The following CADM2 variants were observed in gnomAD, a reference collection of about 807,000 sequenced individuals.
The protein encoded by CADM2 is immunoglobulin superfamily member 4D.
CADM2 carries 12 observed loss-of-function variants against 49.8 expected under a neutral mutation model. That is an observed-to-expected ratio of 0.24 (90% CI 0.15 to 0.39). CADM2 has a LOEUF of 0.39. Among genes scored for constraint, CADM2 ranks in the 10% least tolerant of loss-of-function variants. The pLI, the probability that CADM2 is intolerant of heterozygous loss-of-function variation, is 1.00. For synonymous variants in CADM2, 214 were observed against 175.4 expected (o/e 1.22, Z -1.74); for missense variants, 378 against 492.3 (o/e 0.77, Z 2.20).
At chr3:85,056,224 A>C (rs2036074178) in intron 1 of CADM2, among the ~76,000 whole-genome samples, 1 of 152,100 alleles carries the variant, frequency 6.6e-6, no homozygotes, top group South Asian at 2.1e-4. Flanking sequence ...TCTGTTAAAG[A>C]AATGCAGTAC....
intron 1 of CADM2, among the ~76,000 whole-genome samples, chr3:85,450,808 G>A (rs1240386840): frequency 3.3e-5 from 5 of 151,780 alleles, no homozygotes; most frequent in Non-Finnish European, 7.4e-5. Flanking sequence ...ATTGAAATTT[G>A]TCTAACCAGA....
chr3:85,752,590 T>C (rs959015740), intron 2 of CADM2, among the ~76,000 whole-genome samples: 2 of 152,026 alleles, frequency 1.3e-5, no homozygotes, highest in African/African-American at 4.8e-5. Context: ...AACTTTTGCA[T>C]TGTTACCCAG....
chr3:85,894,931 G>A (rs1044037087), intron 5 of CADM2, among the ~76,000 whole-genome samples: 1 of 152,244 alleles, frequency 6.6e-6, no homozygotes, highest in Non-Finnish European at 1.5e-5. Context: ...CAAAGCAGAA[G>A]TTTGCTGCAG....
intron 8 of CADM2, among the ~76,000 whole-genome samples, chr3:86,046,500 C>T (rs1229081048): frequency 6.6e-6 from 1 of 151,892 alleles, no homozygotes; most frequent in Non-Finnish European, 1.5e-5. Flanking sequence ...TGTTTGGGGA[C>T]AATTTTTATT....
chr3:85,776,336 T>TACACACAC (rs141105558), intron 2 of CADM2, among the ~76,000 whole-genome samples: 3,087 of 146,232 alleles, frequency 0.021, 43 homozygotes, highest in Middle Eastern at 0.057. Flanking sequence ...CAAACTCTCT[T>TACACACAC]ACACACACAC....
intron 8 of CADM2, among the ~76,000 whole-genome samples, chr3:86,050,244 A>T (rs1000682641): frequency 2.0e-5 from 3 of 152,194 alleles, no homozygotes; most frequent in Admixed American, 1.3e-4. Context: ...TAAAGCTTCA[A>T]AATAATCTCC....
intron 1 of CADM2, among the ~76,000 whole-genome samples, chr3:85,414,021 C>A (rs530863698): frequency 1.0e-3 from 157 of 152,218 alleles, no homozygotes; most frequent in Non-Finnish European, 1.8e-3. Context: ...TGTGCCACCA[C>A]GCTCAGCTAA....
chr3:85,191,793 A>G (rs1309510580), intron 1 of CADM2, among the ~76,000 whole-genome samples: 4 of 152,144 alleles, frequency 2.6e-5, no homozygotes, highest in Admixed American at 6.6e-5. Context: ...TTGTTCAAAT[A>G]CCAGTCATCA....
intron 8 of CADM2, among the ~76,000 whole-genome samples, chr3:85,975,338 A>C (rs1323986894): frequency 6.6e-6 from 1 of 151,404 alleles, no homozygotes; most frequent in African/African-American, 2.4e-5. Flanking sequence ...ATTGTGATTA[A>C]AACTTTTAAC....
At chr3:85,542,831 C>T (rs7620313) in intron 1 of CADM2, among the ~76,000 whole-genome samples, 77,973 of 152,010 alleles carry the variant, frequency 0.51, 23,084 homozygotes, top group East Asian at 0.85. Flanking sequence ...TTAACCCTAA[C>T]GTCAAGAGTG....
intron 1 of CADM2, among the ~76,000 whole-genome samples, chr3:85,597,477 T>G (rs1035010992): frequency 1.1e-4 from 16 of 152,124 alleles, no homozygotes; most frequent in African/African-American, 3.9e-4. Context: ...GTTTGTTTCA[T>G]CTATGTGCCA....
rs537643882 is a variant in CADM2, at chr3:86,041,894, C to T, written c.971-23711C>T. Among the ~76,000 whole-genome samples, 65 of 152,296 alleles carry T rather than the reference C, an allele frequency of 4.3e-4. 1 individual carries two copies. The highest frequency in any genetic ancestry group is 6.9e-4 in the Non-Finnish European group (47 of 68,020). ...ACAAACTGTCTGTCAGATCACAGTG[C>T]AATCAAACTAGAACTCAGGATTAAG... On this transcript the variant is annotated intron_variant, in intron 8 of 9. Coordinates refer to ENST00000383699, the MANE Select transcript of CADM2 (RefSeq NM_001167675.2).
At chr3:86,035,770 C>T (rs536499688) in intron 8 of CADM2, among the ~76,000 whole-genome samples, 3 of 152,164 alleles carry the variant, frequency 2.0e-5, no homozygotes, top group African/African-American at 7.2e-5. Flanking sequence ...CCTAACTTAC[C>T]ATTCTTTGTT....
chr3:85,425,819 G>A (rs2036376199), intron 1 of CADM2, among the ~76,000 whole-genome samples: 2 of 152,136 alleles, frequency 1.3e-5, no homozygotes, highest in South Asian at 4.1e-4. Flanking sequence ...GGCTGTGAAG[G>A]CCCTGAGCTC....
chr3:86,009,896 T>A lies in CADM2; in HGVS notation c.970+48249T>A, dbSNP rs144377762. ...TCTATCTAATAACAAATGCATTATG[T>A]CATATGATTATTTTGGGGGTAACAC... On this transcript the variant is annotated intron_variant, in intron 8 of 9. Transcript: ENST00000383699. Among the ~76,000 whole-genome samples, 245 of 151,988 alleles carry A rather than the reference T, an allele frequency of 1.6e-3. 1 individual carries two copies. The highest frequency in any genetic ancestry group is 2.9e-3 in the Non-Finnish European group (196 of 67,796).
At chr3:85,378,453 G>A (rs560463481) in intron 1 of CADM2, among the ~76,000 whole-genome samples, 5 of 151,978 alleles carry the variant, frequency 3.3e-5, no homozygotes, top group African/African-American at 4.8e-5. Flanking sequence ...AGCACTCTAC[G>A]TAGTACTTTG....
intron 1 of CADM2, among the ~76,000 whole-genome samples, chr3:85,270,100 G>A (rs1000672048): frequency 6.0e-5 from 9 of 151,108 alleles, no homozygotes; most frequent in Non-Finnish European, 1.0e-4. Context: ...AATTTTATTA[G>A]CCTCTTACAA....
intron 1 of CADM2, among the ~76,000 whole-genome samples, chr3:85,400,521 A>G (rs2035047314): frequency 6.6e-6 from 1 of 152,116 alleles, no homozygotes; most frequent in Admixed American, 6.6e-5. Flanking sequence ...TTCAGAAGGA[A>G]TGGTACCAGC....
intron 2 of CADM2, among the ~76,000 whole-genome samples, chr3:85,740,421 G>C (rs1166010677): frequency 6.6e-6 from 1 of 152,094 alleles, no homozygotes; most frequent in Non-Finnish European, 1.5e-5. Flanking sequence ...TAATTCCAAA[G>C]ACTTGCTAAT....
Sources: allele counts gnomAD v4.1 joint callset (sites outside exome capture counted in the v4.1 genomes callset), GRCh38; gene constraint gnomAD v4.1.1; transcripts MANE v1.5; gene names NCBI Gene and HGNC (gene_info 2026-07-23, HGNC 2026-07-21).